STRBP: variants seen among roughly 807,000 people sequenced by gnomAD.
STRBP encodes the protein spermatid perinuclear RNA-binding protein.
Under a neutral mutation model 80.1 loss-of-function variants are expected in STRBP, and 13 were observed. The observed-to-expected ratio is 0.16, with a 90% CI of 0.11 to 0.26. STRBP has a LOEUF of 0.26. Ranked by LOEUF, STRBP falls within the 10% of genes least tolerant of loss-of-function variation. STRBP has a pLI of 1.00. For synonymous variants in STRBP, 284 were observed against 291.2 expected (o/e 0.98, Z 0.25); for missense variants, 485 against 815.2 (o/e 0.59, Z 4.93).
rs945128131 is a variant in STRBP, at chr9:123,131,298, G to A, written c.1897+1547C>T. Among the ~76,000 whole-genome samples, 6 of 152,140 alleles carry A rather than the reference G, an allele frequency of 3.9e-5. No homozygotes were observed. In the South Asian group the frequency reaches 1.2e-3, roughly 31 times the overall value. ...TAAGAACCCATCAAGACTTAACACT[G>A]TGCTTAGGGTTCTAAGACCAAAATC... On this transcript the variant is annotated intron_variant, in intron 17 of 18. Coordinates refer to ENST00000348403, the MANE Select transcript of STRBP (RefSeq NM_018387.5).
intron 2 of STRBP, among the ~76,000 whole-genome samples, chr9:123,201,035 G>C (rs1191732687): frequency 6.6e-6 from 1 of 152,006 alleles, no homozygotes; most frequent in Non-Finnish European, 1.5e-5. Context: ...GGTGTTAATA[G>C]TAGTCTGGAA....
chr9:123,160,897 A>ATGTG, intron 7 of STRBP, 80 bp downstream of exon 7: 1 of 1,205,554 alleles, frequency 8.3e-7, no homozygotes. Context: ...TGTAGTACAC[A>ATGTG]GAAACCAATT....
chr9:123,256,926 T>C (rs1450226853), intron 1 of STRBP, among the ~76,000 whole-genome samples: 2 of 151,560 alleles, frequency 1.3e-5, no homozygotes, highest in Admixed American at 6.6e-5. Flanking sequence ...GTCAACATTA[T>C]AATGAAACAA....
intron 2 of STRBP, among the ~76,000 whole-genome samples, chr9:123,209,009 G>T (rs896571635): frequency 1.3e-5 from 2 of 152,096 alleles, no homozygotes; most frequent in Non-Finnish European, 2.9e-5. Context: ...TCAGCAAACT[G>T]TCCTCAGGCA....
chr9:123,250,874 T>C (rs1170625778), intron 1 of STRBP, among the ~76,000 whole-genome samples: 1 of 151,986 alleles, frequency 6.6e-6, no homozygotes, highest in Admixed American at 6.6e-5. Flanking sequence ...TCCCAACACT[T>C]AGGGAGGCTG....
intron 13 of STRBP, among the ~76,000 whole-genome samples, chr9:123,141,118 C>A (rs2036574334): frequency 6.6e-6 from 1 of 152,128 alleles, no homozygotes; most frequent in Non-Finnish European, 1.5e-5. Flanking sequence ...ATAATAGGTG[C>A]TCCAAAAAAT....
intron 2 of STRBP, among the ~76,000 whole-genome samples, chr9:123,191,127 G>A (rs768953398): frequency 6.6e-6 from 1 of 152,166 alleles, no homozygotes; most frequent in Non-Finnish European, 1.5e-5. Flanking sequence ...ACGTTAGAAG[G>A]TGTGAAATGC....
intron 1 of STRBP, among the ~76,000 whole-genome samples, chr9:123,254,852 T>C (rs1007722387): frequency 6.6e-6 from 1 of 152,142 alleles, no homozygotes; most frequent in African/African-American, 2.4e-5. Flanking sequence ...TCACTGACAA[T>C]ATTATCTAAG....
chr9:123,228,542 G>T (rs2040310418), intron 2 of STRBP, among the ~76,000 whole-genome samples: 1 of 152,210 alleles, frequency 6.6e-6, no homozygotes, highest in African/African-American at 2.4e-5. Context: ...ACGGAGGAAT[G>T]AATAATTGTG....
At chr9:123,262,280 C>T (rs1187667924) in intron 1 of STRBP, among the ~76,000 whole-genome samples, 2 of 152,078 alleles carry the variant, frequency 1.3e-5, no homozygotes, top group African/African-American at 4.8e-5. Context: ...CTAAAACAAG[C>T]ATGGTAAGAA....
At chr9:123,129,153 T>TA (rs574058415) in intron 17 of STRBP, among the ~76,000 whole-genome samples, 46 of 152,124 alleles carry the variant, frequency 3.0e-4, no homozygotes, top group Non-Finnish European at 5.6e-4. Context: ...ACCCAGGAGT[T>TA]AGAGACCAGC....
At chr9:123,226,525 G>A (rs1401756438) in intron 2 of STRBP, among the ~76,000 whole-genome samples, 1 of 152,174 alleles carries the variant, frequency 6.6e-6, no homozygotes, top group Non-Finnish European at 1.5e-5. Flanking sequence ...GCACAGAAAA[G>A]AGAAGATTGG....
intron 2 of STRBP, among the ~76,000 whole-genome samples, chr9:123,230,739 T>C (rs894066794): frequency 2.0e-5 from 3 of 152,226 alleles, no homozygotes; most frequent in African/African-American, 4.8e-5. Context: ...AGGTAAGACA[T>C]GGCCATTTCA....
Position 123,158,989 on chromosome 9 carries a change from C to A in STRBP, c.835+107G>T. On this transcript the variant is annotated intron_variant, in intron 9 of 18. Coordinates refer to ENST00000348403, the MANE Select transcript of STRBP (RefSeq NM_018387.5). ...TGTCAAAATTCCAAGCAAAAGAACTCCTATGCATCATTTTCCTGTGTAGAG... is the reference window on the plus strand; with the variant it reads ...TGTCAAAATTCCAAGCAAAAGAACTACTATGCATCATTTTCCTGTGTAGAG... 4 of 820,516 alleles carry A rather than the reference C, an allele frequency of 4.9e-6. No individual in the cohort carries two copies. In the East Asian group the frequency reaches 1.0e-4, roughly 21 times the overall value. 50.8% of individuals were successfully genotyped at this position (820,516 alleles called of 1,614,324 possible). A position where few individuals can be genotyped will look rare whatever the true frequency, so the allele number is the denominator to read the frequency against.
At chr9:123,218,355 CTT>C (rs10689260) in intron 2 of STRBP, among the ~76,000 whole-genome samples, 25 of 102,430 alleles carry the variant, frequency 2.4e-4, no homozygotes, top group Admixed American at 7.2e-4. Context: ...TTAAATATGA[CTT>C]TTTTTTTTTT....
At chr9:123,155,072 G>A (rs1185149360) in intron 11 of STRBP, among the ~76,000 whole-genome samples, 1 of 152,196 alleles carries the variant, frequency 6.6e-6, no homozygotes. Flanking sequence ...AAGTAGAAAG[G>A]TCGGTCTTAA....
intron 1 of STRBP, among the ~76,000 whole-genome samples, chr9:123,253,202 AAAAG>A (rs1447223306): frequency 6.6e-6 from 1 of 152,244 alleles, no homozygotes; most frequent in African/African-American, 2.4e-5. Context: ...AGAGAAGAAA[AAAAG>A]AAACAGATAA....
At chr9:123,198,954 T>G in intron 2 of STRBP, among the ~76,000 whole-genome samples, 1 of 152,230 alleles carries the variant, frequency 6.6e-6, no homozygotes, top group East Asian at 1.9e-4. Context: ...ATGTCCCTAC[T>G]TCTTTTTTTG....
At chr9:123,247,295 G>A (rs2040818767) in intron 1 of STRBP, among the ~76,000 whole-genome samples, 1 of 152,022 alleles carries the variant, frequency 6.6e-6, no homozygotes, top group African/African-American at 2.4e-5. Context: ...TTGAGACGGA[G>A]TTTTGCTCGT....
Sources: allele counts gnomAD v4.1 joint callset (sites outside exome capture counted in the v4.1 genomes callset), GRCh38; gene constraint gnomAD v4.1.1; transcripts MANE v1.5; gene names NCBI Gene and HGNC (gene_info 2026-07-23, HGNC 2026-07-21).